The following SCAPER variants were observed in gnomAD, a reference collection of about 807,000 sequenced individuals.
SCAPER encodes the protein S phase cyclin A-associated protein in the endoplasmic reticulum.
In SCAPER, 98 loss-of-function variants were observed where a neutral mutation model predicts 182.2. The observed-to-expected ratio is 0.54, with a 90% CI of 0.46 to 0.64. The LOEUF (loss-of-function observed/expected upper bound fraction) is 0.64. Ranked by LOEUF, SCAPER falls within the 30% of genes least tolerant of loss-of-function variation. The probability of loss-of-function intolerance (pLI) is 0.00; values close to 1 mark genes in which losing one functional copy is unlikely to be tolerated. For missense variants in SCAPER, 1,432 were observed against 1,690.0 expected, an observed-to-expected ratio of 0.85 and a Z score of 2.68; for synonymous variants, 605 against 564.6, an observed-to-expected ratio of 1.07 and a Z score of -1.01.
chr15:76,481,164 T>C (rs1164969118), intron 24 of SCAPER, among the ~76,000 whole-genome samples: 1 of 152,224 alleles, frequency 6.6e-6, no homozygotes, highest in Non-Finnish European at 1.5e-5. Flanking sequence ...CAGAGAGAAC[T>C]GTGAAGTATC....
chr15:76,428,894 A>ATATATATATATATATATATATATG (rs71143324), intron 26 of SCAPER, among the ~76,000 whole-genome samples: 1 of 138,122 alleles, frequency 7.2e-6, no homozygotes, highest in Non-Finnish European at 1.5e-5. Context: ...ATATATATAT[A>ATATATATATATATATATATATATG]AACATCAAAA....
chr15:76,719,026 G>A (rs1294258987), intron 17 of SCAPER, among the ~76,000 whole-genome samples: 1 of 152,128 alleles, frequency 6.6e-6, no homozygotes, highest in Non-Finnish European at 1.5e-5. Flanking sequence ...ACTACCATAG[G>A]ACCCAGCTGA....
At chr15:76,384,087 T>C (rs1260087461) in intron 27 of SCAPER, among the ~76,000 whole-genome samples, 1 of 152,176 alleles carries the variant, frequency 6.6e-6, no homozygotes, top group African/African-American at 2.4e-5. Context: ...TAGAGATTAA[T>C]GTGTCTGAGT....
intron 7 of SCAPER, 23 bp downstream of exon 7, chr15:76,800,225 A>G: frequency 8.1e-7 from 1 of 1,237,392 alleles, no homozygotes; most frequent in African/African-American, 1.5e-5. Flanking sequence ...AAGTCTTAGT[A>G]GTTTTTTCTT....
chr15:76,581,615 C>T (rs953006270), intron 22 of SCAPER, among the ~76,000 whole-genome samples: 1 of 152,176 alleles, frequency 6.6e-6, no homozygotes, highest in African/African-American at 2.4e-5. Context: ...GAGACAGAGT[C>T]TCGCTCTGTT....
chr15:76,572,907 T>TCACACACACA (rs1354938338), intron 23 of SCAPER, among the ~76,000 whole-genome samples: 1 of 55,880 alleles, frequency 1.8e-5, no homozygotes, highest in African/African-American at 4.8e-5. Context: ...TCTCTCTCTC[T>TCACACACACA]CTCTCTCTCT....
chr15:76,586,281 G>C (rs949195171), intron 22 of SCAPER, among the ~76,000 whole-genome samples: 3 of 152,076 alleles, frequency 2.0e-5, no homozygotes, highest in Non-Finnish European at 4.4e-5. Flanking sequence ...TTAGCATAAT[G>C]GATAGGAAGA....
intron 20 of SCAPER, among the ~76,000 whole-genome samples, chr15:76,668,685 A>C (rs1241115544): frequency 6.6e-6 from 1 of 152,204 alleles, no homozygotes; most frequent in Non-Finnish European, 1.5e-5. Flanking sequence ...CTAACATTAC[A>C]TAATCATTTT....
chr15:76,555,821 C>A (rs1218554340), intron 23 of SCAPER, among the ~76,000 whole-genome samples: 2 of 152,298 alleles, frequency 1.3e-5, no homozygotes, highest in East Asian at 3.9e-4. Flanking sequence ...TTAGACAGAT[C>A]ATTGAGGCAA....
chr15:76,671,060 GT>G (rs1271725411), intron 20 of SCAPER, among the ~76,000 whole-genome samples: 1 of 152,168 alleles, frequency 6.6e-6, no homozygotes, highest in African/African-American at 2.4e-5. Context: ...CTTATTAAAG[GT>G]TTGGTGCAGG....
chr15:76,551,671 G>T (rs1288487433), intron 23 of SCAPER, among the ~76,000 whole-genome samples: 6 of 152,054 alleles, frequency 3.9e-5, no homozygotes, highest in Non-Finnish European at 8.8e-5. Context: ...ACAATACTCT[G>T]TATATCAAAA....
intron 23 of SCAPER, among the ~76,000 whole-genome samples, chr15:76,536,834 A>G (rs1240058059): frequency 6.6e-6 from 1 of 152,146 alleles, no homozygotes; most frequent in Non-Finnish European, 1.5e-5. Context: ...TCTCAGCCCA[A>G]AATCTCCTTA....
chr15:76,696,587 G>GA (rs113416885), intron 20 of SCAPER, among the ~76,000 whole-genome samples: 57 of 151,330 alleles, frequency 3.8e-4, no homozygotes, highest in African/African-American at 1.3e-3. Flanking sequence ...ATTTAAAATG[G>GA]AAAAAAAACC....
At chr15:76,858,821 G>GT (rs34147721) in intron 3 of SCAPER, among the ~76,000 whole-genome samples, 50,871 of 152,022 alleles carry the variant, frequency 0.33, 8,788 homozygotes, top group East Asian at 0.56. Context: ...TTATGGCTAC[G>GT]TAGTAGTCCA....
At position 76,815,414 on chromosome 15, in the gene SCAPER, CACAT is replaced by C. The variant is rs1264730056; in HGVS notation, c.394-10785_394-10782del. 2.6e-5 allele frequency among the ~76,000 whole-genome samples: 4 copies of C among 152,132 alleles called. No homozygotes were observed. The East Asian group carries it at 7.7e-4, about 29-fold the overall frequency. Reference sequence around the variant, plus strand: ...AGAAATTGTGGTGTATATATACACACACATACATACAGTCAAGCATCACTTAACA... The same window carrying C: ...AGAAATTGTGGTGTATATATACACACACATACAGTCAAGCATCACTTAACA... On this transcript the variant is annotated intron_variant, in intron 5 of 31. Coordinates refer to ENST00000563290, the MANE Select transcript of SCAPER (RefSeq NM_020843.4).
chr15:76,576,260 A>T (rs1309492849), intron 22 of SCAPER, among the ~76,000 whole-genome samples: 1 of 152,150 alleles, frequency 6.6e-6, no homozygotes, highest in Non-Finnish European at 1.5e-5. Context: ...GCTACTCAGG[A>T]GGTTGAGGTG....
chr15:76,392,600 A>C (rs751772188), intron 27 of SCAPER, among the ~76,000 whole-genome samples: 1 of 152,056 alleles, frequency 6.6e-6, no homozygotes, highest in Non-Finnish European at 1.5e-5. Flanking sequence ...AAAATCAGAG[A>C]ATTAGTGGAA....
intron 25 of SCAPER, among the ~76,000 whole-genome samples, chr15:76,446,231 T>C (rs1467039502): frequency 6.6e-6 from 1 of 152,170 alleles, no homozygotes; most frequent in Non-Finnish European, 1.5e-5. Context: ...TGAGCCTGAG[T>C]CTTTAACTAT....
intron 29 of SCAPER, among the ~76,000 whole-genome samples, chr15:76,369,898 T>G (rs2042035150): frequency 6.6e-6 from 1 of 152,156 alleles, no homozygotes; most frequent in Admixed American, 6.5e-5. Context: ...TGCATGTAAA[T>G]CAACTGTGGC....
Sources: gnomAD v4.1 joint callset for allele counts (sites outside exome capture counted in the v4.1 genomes callset) on GRCh38, gnomAD v4.1.1 for gene constraint, MANE v1.5 for transcripts, NCBI Gene and HGNC (gene_info 2026-07-23, HGNC 2026-07-21) for gene names.